The following COPG2 variants were observed in gnomAD, a reference collection of about 807,000 sequenced individuals.
COPG2 encodes coat protein complex I subunit gamma 2.
In COPG2, 37 loss-of-function variants were observed where a neutral mutation model predicts 46.3. That is an observed-to-expected ratio of 0.80 (90% confidence interval 0.61 to 1.05). COPG2 has a LOEUF of 1.05. Among genes scored for constraint, COPG2 ranks in the 50% least tolerant of loss-of-function variants. The probability of loss-of-function intolerance (pLI) is 0.00; values close to 1 mark genes in which losing one functional copy is unlikely to be tolerated. For missense variants in COPG2, 427 were observed against 387.8 expected (o/e 1.10, Z -0.85); for synonymous variants, 159 against 129.7 (o/e 1.23, Z -1.53).
intron 12 of COPG2, among the ~76,000 whole-genome samples, chr7:130,558,286 G>GT (rs1474420623): frequency 1.3e-5 from 2 of 152,022 alleles, no homozygotes; most frequent in East Asian, 1.9e-4. Flanking sequence ...TCTTGTGATA[G>GT]TAAGTTCTTG....
intron 9 of COPG2, among the ~76,000 whole-genome samples, chr7:130,600,631 A>AT (rs1794618309): frequency 6.6e-6 from 1 of 152,018 alleles, no homozygotes; most frequent in Non-Finnish European, 1.5e-5. Context: ...GCTACATGGC[A>AT]TTTTTTATGT....
chr7:130,618,643 T>C (rs1794989099), intron 5 of COPG2, among the ~76,000 whole-genome samples: 1 of 152,164 alleles, frequency 6.6e-6, no homozygotes, highest in Non-Finnish European at 1.5e-5. Context: ...AAAGGTAAGG[T>C]TTTCATAAGT....
At chr7:130,605,186 T>G (rs545040926) in intron 9 of COPG2, 5 of 520,054 alleles carry the variant, frequency 9.6e-6, no homozygotes, top group Non-Finnish European at 1.9e-5. Flanking sequence ...TACTTTCTCC[T>G]GCTCTATCTT....
rs183633264 is a variant in COPG2, at chr7:130,575,522, C to T, written c.738-11129G>A. ...AAATGCTGAGAGAATTTGCCACTAC[C>T]AAGCCACCACCACAAGGACTACTAA... On this transcript the variant is annotated intron_variant, in intron 9 of 23. Transcript: ENST00000425248. Among the ~76,000 whole-genome samples the T allele has an allele frequency of 6.1e-3, 936 of 152,236 alleles. 3 individuals are homozygous for T. Among genetic ancestry groups the T allele is most frequent in the Middle Eastern group, 0.02 (6 of 294 alleles).
chr7:130,506,533 T>C lies in COPG2; in HGVS notation c.*143A>G. The C allele has an allele frequency of 2.1e-6, 1 of 480,246 alleles. No homozygotes were observed. Among genetic ancestry groups the C allele is most frequent in the Non-Finnish European group, 3.7e-6 (1 of 271,110 alleles). 29.7% of individuals were successfully genotyped at this position (480,246 alleles called of 1,614,324 possible). On this transcript the variant is annotated 3_prime_UTR_variant, in exon 24 of 24. Transcript: ENST00000425248. ...TGCGCAAAGATAGACATTTGCTTGA[T>C]CTGCTGGCTCAGGGCCAAATGTTTA...
intron 7 of COPG2, 36 bp downstream of exon 7, chr7:130,613,508 C>T (rs371693308): frequency 7.9e-5 from 103 of 1,299,494 alleles, no homozygotes; most frequent in Non-Finnish European, 1.1e-4. Flanking sequence ...AAAACTGTAC[C>T]ATGCTTAAGA....
intron 12 of COPG2, among the ~76,000 whole-genome samples, chr7:130,559,382 T>A (rs1411446982): frequency 6.6e-6 from 1 of 152,170 alleles, no homozygotes; most frequent in African/African-American, 2.4e-5. Flanking sequence ...CTGAGCTCAC[T>A]GCTCTCAGTA....
chr7:130,636,548 T>G (rs1431195884), intron 5 of COPG2, among the ~76,000 whole-genome samples: 2 of 149,266 alleles, frequency 1.3e-5, no homozygotes, highest in Non-Finnish European at 3.0e-5. Flanking sequence ...GTTTTTTTTT[T>G]TTTTTTTTTT....
chr7:130,605,359 C>T (rs912434824), intron 9 of COPG2: 6 of 477,818 alleles, frequency 1.3e-5, no homozygotes, highest in Non-Finnish European at 2.5e-5. Context: ...TGTTACGTTA[C>T]AACATGGCAA....
chr7:130,548,770 T>C (rs1793486012), intron 18 of COPG2, among the ~76,000 whole-genome samples: 1 of 151,580 alleles, frequency 6.6e-6, no homozygotes, highest in Non-Finnish European at 1.5e-5. Flanking sequence ...ACAAAAAAAT[T>C]AGTCAGGCGT....
chr7:130,605,892 T>TA (rs1794719359), intron 9 of COPG2: 30 of 397,148 alleles, frequency 7.6e-5, no homozygotes, highest in South Asian at 9.6e-5. Flanking sequence ...ATGGCAACAA[T>TA]AAAAAAAACT....
At chr7:130,589,693 T>C (rs1230795378) in intron 9 of COPG2, among the ~76,000 whole-genome samples, 1 of 152,238 alleles carries the variant, frequency 6.6e-6, no homozygotes, top group Non-Finnish European at 1.5e-5. Context: ...CAACACTAGA[T>C]ACTACAAAAC....
intron 9 of COPG2, among the ~76,000 whole-genome samples, chr7:130,590,013 T>C (rs1176332530): frequency 1.3e-5 from 2 of 152,224 alleles, no homozygotes; most frequent in Non-Finnish European, 2.9e-5. Context: ...AAATTTTTGT[T>C]GTAAAAACTA....
chr7:130,635,875 C>T (rs919591763), intron 5 of COPG2, among the ~76,000 whole-genome samples: 1 of 152,166 alleles, frequency 6.6e-6, no homozygotes, highest in East Asian at 1.9e-4. Context: ...ACTGCTTTAG[C>T]TGTGTCCCAG....
intron 1 of COPG2, among the ~76,000 whole-genome samples, chr7:130,667,979 C>T (rs534265356): frequency 6.6e-6 from 1 of 152,274 alleles, no homozygotes; most frequent in South Asian, 2.1e-4. Context: ...ACTAACCCAA[C>T]CCCCTCTCAC....
intron 20 of COPG2, among the ~76,000 whole-genome samples, chr7:130,537,447 C>A (rs1799890981): frequency 6.7e-6 from 1 of 149,794 alleles, no homozygotes; most frequent in Admixed American, 6.7e-5. Flanking sequence ...GTGGCAGAAT[C>A]GCAGGTGGTG....
At chr7:130,624,241 C>A (rs1351260875) in intron 5 of COPG2, among the ~76,000 whole-genome samples, 3 of 152,140 alleles carry the variant, frequency 2.0e-5, no homozygotes, top group African/African-American at 7.2e-5. Flanking sequence ...AAAATACATA[C>A]TTGGGGGGAC....
At chr7:130,590,239 G>A (rs1208026092) in intron 9 of COPG2, among the ~76,000 whole-genome samples, 5 of 149,504 alleles carry the variant, frequency 3.3e-5, no homozygotes, top group East Asian at 2.0e-4. Context: ...CTCTCCCCAC[G>A]GTCTCCCTCT....
At chr7:130,611,417 G>A (rs1259048097) in intron 8 of COPG2, among the ~76,000 whole-genome samples, 2 of 152,088 alleles carry the variant, frequency 1.3e-5, no homozygotes, top group African/African-American at 4.8e-5. Flanking sequence ...TCGGGTCCAG[G>A]GCTTTACTGG....
Sources: allele counts gnomAD v4.1 joint callset (sites outside exome capture counted in the v4.1 genomes callset), GRCh38; gene constraint gnomAD v4.1.1; transcripts MANE v1.5; gene names NCBI Gene and HGNC (gene_info 2026-07-23, HGNC 2026-07-21).